SEMA5A: variants seen among roughly 807,000 people sequenced by gnomAD.
SEMA5A encodes the protein semaphorin 5A.
Under a neutral mutation model 135.5 loss-of-function variants are expected in SEMA5A, and 55 were observed. That is an observed-to-expected ratio of 0.41 (90% CI 0.33 to 0.51). The LOEUF is 0.51. SEMA5A is among the 20% of genes least tolerant of loss of function. SEMA5A has a pLI of 0.37. For synonymous variants in SEMA5A, 580 were observed against 546.5 expected (o/e 1.06, Z -0.85); for missense variants, 1,290 against 1,419.9 (o/e 0.91, Z 1.47).
intron 5 of SEMA5A, among the ~76,000 whole-genome samples, chr5:9,306,961 G>A (rs550098898): frequency 4.6e-5 from 7 of 152,200 alleles, no homozygotes; most frequent in South Asian, 4.1e-4. Flanking sequence ...TGAGGTCTTC[G>A]GACTCCAGAT....
At chr5:9,328,244 C>T (rs1752964045) in intron 4 of SEMA5A, among the ~76,000 whole-genome samples, 1 of 152,210 alleles carries the variant, frequency 6.6e-6, no homozygotes, top group South Asian at 2.1e-4. Flanking sequence ...GCCATCATCA[C>T]TGCCTAAGTC....
At chr5:9,132,236 G>A (rs1741477198) in intron 13 of SEMA5A, among the ~76,000 whole-genome samples, 1 of 151,986 alleles carries the variant, frequency 6.6e-6, no homozygotes, top group African/African-American at 2.4e-5. Context: ...TATTTATTGG[G>A]GGTCCCTTAT....
At chr5:9,530,158 C>A (rs1396235732) in intron 1 of SEMA5A, among the ~76,000 whole-genome samples, 3 of 152,154 alleles carry the variant, frequency 2.0e-5, no homozygotes, top group Admixed American at 6.5e-5. Context: ...TAGATGCGAC[C>A]ATTTCCACAG....
intron 4 of SEMA5A, among the ~76,000 whole-genome samples, chr5:9,320,832 T>G (rs1025570639): frequency 7.9e-5 from 12 of 152,284 alleles, no homozygotes; most frequent in Non-Finnish European, 1.3e-4. Flanking sequence ...CATTTCAACA[T>G]TAGCCAAGCT....
At chr5:9,242,368 A>G (rs1306699650) in intron 5 of SEMA5A, among the ~76,000 whole-genome samples, 1 of 152,322 alleles carries the variant, frequency 6.6e-6, no homozygotes, top group Non-Finnish European at 1.5e-5. Context: ...ATTTCAGTCA[A>G]TTTGGAAGGA....
intron 3 of SEMA5A, among the ~76,000 whole-genome samples, chr5:9,365,602 G>A (rs933273366): frequency 6.6e-6 from 1 of 152,036 alleles, no homozygotes; most frequent in Admixed American, 6.5e-5. Flanking sequence ...CCTAATCCTG[G>A]TCCCAGGCCT....
At chr5:9,432,718 T>C (rs1248099316) in intron 2 of SEMA5A, among the ~76,000 whole-genome samples, 2 of 152,194 alleles carry the variant, frequency 1.3e-5, no homozygotes, top group African/African-American at 4.8e-5. Flanking sequence ...CTATTTTACA[T>C]CAGTGCTCGA....
intron 1 of SEMA5A, among the ~76,000 whole-genome samples, chr5:9,537,679 G>C (rs1579706841): frequency 6.6e-6 from 1 of 152,176 alleles, no homozygotes; most frequent in Non-Finnish European, 1.5e-5. Flanking sequence ...AAAGTGAGCT[G>C]GTCAGAAATG....
At chr5:9,501,619 T>C (rs1735603837) in intron 1 of SEMA5A, among the ~76,000 whole-genome samples, 1 of 152,126 alleles carries the variant, frequency 6.6e-6, no homozygotes, top group African/African-American at 2.4e-5. Context: ...CCAGCTCCCT[T>C]CCCTCCTCCT....
chr5:9,139,352 A>G (rs1741938114), intron 12 of SEMA5A, among the ~76,000 whole-genome samples: 1 of 152,220 alleles, frequency 6.6e-6, no homozygotes, highest in Non-Finnish European at 1.5e-5. Flanking sequence ...GGACCAACCA[A>G]CAATATGGGA....
At chr5:9,353,098 G>GGAAAGGAAAGGAAAGGAAAGGAAAGGA (rs1561176710) in intron 3 of SEMA5A, among the ~76,000 whole-genome samples, 3 of 21,788 alleles carry the variant, frequency 1.4e-4, no homozygotes, top group Non-Finnish European at 2.2e-4. Flanking sequence ...GGAAAGGAAG[G>GGAAAGGAAAGGAAAGGAAAGGAAAGGA]AAGGAAAGGA....
At chr5:9,344,712 T>C (rs1266901958) in intron 3 of SEMA5A, among the ~76,000 whole-genome samples, 2 of 152,244 alleles carry the variant, frequency 1.3e-5, no homozygotes. Context: ...CTCCAAAATG[T>C]ACAGATATGC....
chr5:9,338,827 A>G (rs1371093469), intron 3 of SEMA5A, among the ~76,000 whole-genome samples: 1 of 152,146 alleles, frequency 6.6e-6, no homozygotes, highest in Non-Finnish European at 1.5e-5. Context: ...TAATGGGGGC[A>G]TATGGAAATA....
chr5:9,441,976 G>C (rs560760558), intron 1 of SEMA5A, among the ~76,000 whole-genome samples: 48 of 152,308 alleles, frequency 3.2e-4, no homozygotes, highest in African/African-American at 9.9e-4. Context: ...GGGTGAATAT[G>C]GCAGCTCTGC....
intron 2 of SEMA5A, among the ~76,000 whole-genome samples, chr5:9,408,093 TCATCACCAACACTAC>T (rs1756964769): frequency 6.6e-6 from 1 of 150,876 alleles, no homozygotes; most frequent in South Asian, 2.1e-4. Context: ...ACTACCACAA[TCATCACCAACACTAC>T]CATCACCACC....
intron 1 of SEMA5A, among the ~76,000 whole-genome samples, chr5:9,467,703 T>C (rs1355291453): frequency 6.6e-6 from 1 of 152,060 alleles, no homozygotes; most frequent in Admixed American, 6.5e-5. Flanking sequence ...CTGAGGCAGG[T>C]AGCAGCAGCT....
intron 11 of SEMA5A, among the ~76,000 whole-genome samples, chr5:9,162,370 G>A (rs72741931): frequency 0.11 from 16,778 of 147,146 alleles, 1,053 homozygotes; most frequent in South Asian, 0.17. Context: ...ATAGCATGAT[G>A]TTCAAACAAA....
chr5:9,125,886 G>A (rs1486944312), intron 13 of SEMA5A, among the ~76,000 whole-genome samples: 1 of 151,476 alleles, frequency 6.6e-6, no homozygotes, highest in Non-Finnish European at 1.5e-5. Context: ...CCTCCCTCTT[G>A]TCTCCAGCCA....
chr5:9,043,985 G>A (rs1475558182), intron 22 of SEMA5A, among the ~76,000 whole-genome samples: 2 of 152,186 alleles, frequency 1.3e-5, no homozygotes, highest in Non-Finnish European at 2.9e-5. Flanking sequence ...TACTCTAGGA[G>A]CTAGTTTCTG....
Sources: allele counts gnomAD v4.1 joint callset (sites outside exome capture counted in the v4.1 genomes callset), GRCh38; gene constraint gnomAD v4.1.1; transcripts MANE v1.5; gene names NCBI Gene and HGNC (gene_info 2026-07-23, HGNC 2026-07-21).